PTPRQ: variants seen among roughly 807,000 people sequenced by gnomAD.
PTPRQ encodes the protein phosphatidylinositol phosphatase PTPRQ.
A neutral mutation model predicts 246.0 loss-of-function variants in PTPRQ; 199 were observed. That is an observed-to-expected ratio of 0.81 (90% CI 0.72 to 0.91). PTPRQ has a LOEUF of 0.91. Among genes scored for constraint, PTPRQ ranks in the 40% least tolerant of loss-of-function variants. The pLI, the probability that PTPRQ is intolerant of heterozygous loss-of-function variation, is 0.00. For synonymous variants in PTPRQ, 869 were observed against 853.2 expected, an observed-to-expected ratio of 1.02 and a Z score of -0.32; for missense variants, 2,624 against 2,528.4, an observed-to-expected ratio of 1.04 and a Z score of -0.81.
At position 80,552,655 on chromosome 12, in the gene PTPRQ, A is replaced by G. The variant is rs1192705080; in HGVS notation, c.4285+2921A>G. Among the ~76,000 whole-genome samples the G allele has an allele frequency of 1.2e-3, 50 of 40,408 alleles. 1 individual carries two copies. The highest frequency in any genetic ancestry group is 8.1e-3 in the East Asian group (16 of 1,972). 26.5% of individuals were successfully genotyped at this position (40,408 alleles called of 152,430 possible). A position where few individuals can be genotyped will look rare whatever the true frequency, so the allele number is the denominator to read the frequency against. Reference sequence around the variant, plus strand: ...TGTAAAAAAAAAAAATTATATATATATATATATATATATATATATATATAT... The same window carrying G: ...TGTAAAAAAAAAAAATTATATATATGTATATATATATATATATATATATAT... On this transcript the variant is annotated intron_variant, in intron 25 of 44. Coordinates refer to ENST00000644991, the MANE Select transcript of PTPRQ (RefSeq NM_001145026.2).
intron 3 of PTPRQ, among the ~76,000 whole-genome samples, chr12:80,448,048 G>C (rs1592510786): frequency 1.3e-5 from 2 of 151,958 alleles, no homozygotes; most frequent in Non-Finnish European, 2.9e-5. Flanking sequence ...ATTTGTTTGT[G>C]TCATCTCTAA....
chr12:80,590,709 A>T (rs976533543), intron 26 of PTPRQ, among the ~76,000 whole-genome samples: 2 of 149,554 alleles, frequency 1.3e-5, no homozygotes, highest in Non-Finnish European at 3.0e-5. Context: ...ATGTACTCCC[A>T]TGGCTCTTAG....
At chr12:80,534,657 T>C (rs540811166) in intron 18 of PTPRQ, among the ~76,000 whole-genome samples, 2 of 152,128 alleles carry the variant, frequency 1.3e-5, no homozygotes, top group South Asian at 2.1e-4. Flanking sequence ...AGAACGGAGA[T>C]AGTATTTTAT....
chr12:80,670,983 C>T lies in PTPRQ; in HGVS notation c.6602+491C>T, dbSNP rs1241087106. ...TAGATTCTCTGTTATTCATCTTTCA[C>T]CACAATAAAAAGATTTTTTTAAAGT... On this transcript the variant is annotated intron_variant, in intron 42 of 44. Coordinates refer to ENST00000644991, the MANE Select transcript of PTPRQ (RefSeq NM_001145026.2). Among the ~76,000 whole-genome samples, 4 of 151,908 alleles carry T rather than the reference C, an allele frequency of 2.6e-5. No homozygotes were observed. The East Asian group carries it at 7.8e-4, about 29-fold the overall frequency.
intron 26 of PTPRQ, among the ~76,000 whole-genome samples, chr12:80,598,832 C>A (rs779523908): frequency 6.6e-6 from 1 of 151,928 alleles, no homozygotes; most frequent in Non-Finnish European, 1.5e-5. Context: ...ACCATATATT[C>A]ATTTATGTTT....
At chr12:80,567,317 A>C (rs1280075440) in intron 25 of PTPRQ, among the ~76,000 whole-genome samples, 1 of 152,202 alleles carries the variant, frequency 6.6e-6, no homozygotes, top group Non-Finnish European at 1.5e-5. Context: ...TATTATTTGT[A>C]CATTTTTATG....
chr12:80,625,614 G>A (rs1899173668), intron 33 of PTPRQ, among the ~76,000 whole-genome samples: 1 of 152,026 alleles, frequency 6.6e-6, no homozygotes, highest in Non-Finnish European at 1.5e-5. Flanking sequence ...TTAGTGAAAG[G>A]GACTAATGAA....
intron 33 of PTPRQ, 21 bp downstream of exon 33, chr12:80,622,155 AT>A: frequency 7.3e-7 from 1 of 1,374,198 alleles, no homozygotes. Flanking sequence ...TTTGTAATTC[AT>A]TTATAATCTC....
intron 25 of PTPRQ, among the ~76,000 whole-genome samples, chr12:80,555,579 G>T (rs1456845601): frequency 1.3e-5 from 2 of 151,662 alleles, no homozygotes; most frequent in Non-Finnish European, 1.5e-5. Context: ...TAGGAAAGTT[G>T]CATGATTCTG....
intron 27 of PTPRQ, 46 bp from the exon 28 acceptor site, chr12:80,610,393 G>T: frequency 1.4e-6 from 2 of 1,422,272 alleles, no homozygotes; most frequent in South Asian, 1.5e-5. Context: ...TGGTGACTCA[G>T]ATTTCAAGTG....
chr12:80,469,545 T>C (rs1028381750), intron 7 of PTPRQ, among the ~76,000 whole-genome samples: 1 of 152,120 alleles, frequency 6.6e-6, no homozygotes, highest in African/African-American at 2.4e-5. Flanking sequence ...AATGATGAGA[T>C]AAATAATAAA....
rs1368325994 is a variant in PTPRQ, at chr12:80,496,950, A to C, written c.2272+419A>C. On this transcript the variant is annotated intron_variant, in intron 14 of 44. Transcript: ENST00000644991. ...AGCACAAAAATGGCATGCCTGGAGA[A>C]GACTTATGGAGGAGACAGCATTTGG... is the stretch of plus-strand genomic sequence containing the variant. 7.2e-5 allele frequency among the ~76,000 whole-genome samples: 11 copies of C among 151,876 alleles called. 1 individual carries two copies. Among genetic ancestry groups the C allele is most frequent in the Admixed American group, 7.2e-4 (11 of 15,234 alleles).
At chr12:80,573,394 C>CAGG (rs1049254031) in intron 25 of PTPRQ, among the ~76,000 whole-genome samples, 1 of 151,828 alleles carries the variant, frequency 6.6e-6, no homozygotes, top group Non-Finnish European at 1.5e-5. Flanking sequence ...GAGGCTGAGG[C>CAGG]AGGAGAATGG....
intron 25 of PTPRQ, among the ~76,000 whole-genome samples, chr12:80,574,128 T>C (rs1023163786): frequency 1.3e-5 from 2 of 152,220 alleles, no homozygotes; most frequent in African/African-American, 4.8e-5. Flanking sequence ...CCTAATTAAC[T>C]GATCCTTTGA....
intron 19 of PTPRQ, among the ~76,000 whole-genome samples, chr12:80,539,569 A>C (rs1896087261): frequency 6.6e-6 from 1 of 152,044 alleles, no homozygotes; most frequent in African/African-American, 2.4e-5. Context: ...TTGGCTTTGC[A>C]ATAAAAACCA....
Position 80,484,601 on chromosome 12 carries a change from A to G in PTPRQ, c.1355A>G (p.Asn452Ser), listed in dbSNP as rs1214020136. Residue 452 changes from asparagine (N) to serine (S), a missense_variant, in exon 9 of 45, where the codon AAT (asparagine) becomes AGT (serine). By Grantham distance (46) the Asn-to-Ser change is conservative. Transcript: ENST00000644991. ...GAAAATACTTTGCTCACTGGAAATA[A>G]TGAGGTATTGCATTTTTATTTCACT... ...ILENTLLTGN[N>S]EYINDPMAPE... 5 of 1,550,120 alleles carry G rather than the reference A, an allele frequency of 3.2e-6. No individual in the cohort carries two copies. Among genetic ancestry groups the G allele is most frequent in the Admixed American group, 3.9e-5 (2 of 50,810 alleles).
intron 17 of PTPRQ, among the ~76,000 whole-genome samples, chr12:80,521,451 G>A (rs1050025471): frequency 5.3e-5 from 8 of 152,194 alleles, no homozygotes; most frequent in Admixed American, 5.2e-4. Context: ...CCTATGTCCT[G>A]AATGGTATTG....
intron 3 of PTPRQ, among the ~76,000 whole-genome samples, chr12:80,456,035 G>A (rs1293889024): frequency 6.6e-6 from 1 of 152,108 alleles, no homozygotes; most frequent in Non-Finnish European, 1.5e-5. Flanking sequence ...ACATTTCCAA[G>A]GGATAATAAA....
chr12:80,607,188 C>T (rs902315898), intron 27 of PTPRQ, among the ~76,000 whole-genome samples: 2 of 150,836 alleles, frequency 1.3e-5, no homozygotes, highest in Non-Finnish European at 3.0e-5. Context: ...CTTCATTTTG[C>T]ATAAAAGAAA....
Sources: allele counts gnomAD v4.1 joint callset (sites outside exome capture counted in the v4.1 genomes callset), GRCh38; gene constraint gnomAD v4.1.1; transcripts MANE v1.5; gene names NCBI Gene and HGNC (gene_info 2026-07-23, HGNC 2026-07-21).